Variants in FAM222A observed in about 807,000 individuals in gnomAD.
The protein encoded by FAM222A is family with sequence similarity 222 member A, also known as protein FAM222A.
A neutral mutation model predicts 25.8 loss-of-function variants in FAM222A; 7 were observed. That is an observed-to-expected ratio of 0.27 (90% confidence interval 0.15 to 0.51). The LOEUF (loss-of-function observed/expected upper bound fraction) is 0.51, where lower values mean the gene tolerates loss of function less well. FAM222A is among the 20% of genes least tolerant of loss of function. FAM222A has a pLI of 0.97. For synonymous variants in FAM222A, 294 were observed against 298.8 expected (o/e 0.98, Z 0.17); for missense variants, 573 against 640.5 (o/e 0.89, Z 1.14).
intron 1 of FAM222A, among the ~76,000 whole-genome samples, chr12:109,726,651 T>C (rs1388023585): frequency 6.6e-6 from 1 of 152,238 alleles, no homozygotes; most frequent in African/African-American, 2.4e-5. Flanking sequence ...GGCTCAGGCC[T>C]GGCTTGATGG....
intron 2 of FAM222A, among the ~76,000 whole-genome samples, chr12:109,753,839 A>T (rs1009049441): frequency 1.3e-5 from 2 of 152,196 alleles, no homozygotes; most frequent in African/African-American, 2.4e-5. Context: ...GAAACAAAGC[A>T]ATTTAAAATT....
intron 2 of FAM222A, among the ~76,000 whole-genome samples, chr12:109,755,817 T>A (rs531692276): frequency 6.6e-6 from 1 of 152,376 alleles, no homozygotes; most frequent in South Asian, 2.1e-4. Context: ...GATTTTCTAT[T>A]CCATTGACCT....
chr12:109,759,886 G>C (rs1565846450), intron 2 of FAM222A, among the ~76,000 whole-genome samples: 1 of 152,184 alleles, frequency 6.6e-6, no homozygotes, highest in Non-Finnish European at 1.5e-5. Context: ...AGGGTGGTGA[G>C]AAAAAACAGG....
chr12:109,763,153 C>G (rs1430374079), intron 2 of FAM222A, among the ~76,000 whole-genome samples: 1 of 152,156 alleles, frequency 6.6e-6, no homozygotes. Flanking sequence ...CTCATGAAGC[C>G]CCTGGCTTTG....
chr12:109,748,334 C>CTTTTTTTTTTTTTTTTTT (rs61492433), intron 2 of FAM222A, among the ~76,000 whole-genome samples: 1 of 81,634 alleles, frequency 1.2e-5, no homozygotes, highest in Non-Finnish European at 3.0e-5. Flanking sequence ...GGTTTTCTTT[C>CTTTTTTTTTTTTTTTTTT]TTTTTTTTTT....
intron 2 of FAM222A, among the ~76,000 whole-genome samples, chr12:109,763,469 G>T (rs1269001328): frequency 6.6e-6 from 1 of 152,216 alleles, no homozygotes; most frequent in Non-Finnish European, 1.5e-5. Context: ...ATTGGCCAGG[G>T]CTGCACTCTC....
intron 2 of FAM222A, among the ~76,000 whole-genome samples, chr12:109,755,577 C>T (rs1361004326): frequency 6.6e-6 from 1 of 152,172 alleles, no homozygotes; most frequent in East Asian, 1.9e-4. Flanking sequence ...ATCAGCCCGC[C>T]TCGGCCTCCC....
intron 2 of FAM222A, among the ~76,000 whole-genome samples, chr12:109,767,062 C>CTTTTT (rs757766627): frequency 8.3e-4 from 77 of 93,032 alleles, no homozygotes; most frequent in African/African-American, 1.4e-3. Flanking sequence ...TGCTTGGCTT[C>CTTTTT]TTTTTTTTTT....
chr12:109,741,762 C>T (rs773416727), intron 1 of FAM222A, among the ~76,000 whole-genome samples: 16 of 152,184 alleles, frequency 1.1e-4, no homozygotes, highest in Non-Finnish European at 1.9e-4. Context: ...TTAACCCAGC[C>T]GGGGTCACAC....
intron 2 of FAM222A, chr12:109,744,939 G>T (rs1281675570): frequency 7.2e-6 from 2 of 279,062 alleles, no homozygotes; most frequent in Non-Finnish European, 1.1e-5. Context: ...CCAGGTCACC[G>T]CGGTCCCCAC....
At chr12:109,717,887 T>C (rs920986516) in intron 1 of FAM222A, among the ~76,000 whole-genome samples, 4 of 152,204 alleles carry the variant, frequency 2.6e-5, no homozygotes, top group African/African-American at 9.6e-5. Flanking sequence ...GCTGGACTGC[T>C]GAACCCCCTT....
At chr12:109,718,513 C>T (rs552502388) in intron 1 of FAM222A, among the ~76,000 whole-genome samples, 70 of 152,154 alleles carry the variant, frequency 4.6e-4, no homozygotes, top group African/African-American at 1.6e-3. Flanking sequence ...GGGGTGAGAA[C>T]GAGGAGGCGC....
intron 1 of FAM222A, among the ~76,000 whole-genome samples, chr12:109,737,470 T>C (rs928990134): frequency 2.6e-5 from 4 of 151,950 alleles, no homozygotes; most frequent in Non-Finnish European, 5.9e-5. Flanking sequence ...GTGACAAGAT[T>C]TGCAGCATTT....
rs1391738175 is a variant in FAM222A, at chr12:109,747,434, T to C, written c.82+3206T>C. Among the ~76,000 whole-genome samples, 3 of 152,322 alleles carry C rather than the reference T, an allele frequency of 2.0e-5. No individual in the cohort carries two copies. The East Asian group carries it at 5.8e-4, about 29-fold the overall frequency. ...AGTATTTGGTAGAGGTTGTTGCTCC[T>C]TGTTCTCCCCCTCTACCCAAATTTC... On this transcript the variant is annotated intron_variant, in intron 2 of 2. Transcript: ENST00000538780.
rs1449046237 is a variant in FAM222A, at chr12:109,768,995, C to T, written c.1066C>T (p.Pro356Ser). The change falls in exon 3 of 3, where the codon CCC (proline) becomes TCC (serine). Residue 356 changes from proline to serine, a missense_variant. Around this residue, in one of 3 missense-constraint regions of FAM222A, gnomAD observed 412 missense variants for 407.0 expected, o/e 1.01. Transcript: ENST00000538780. ...CCCGTGGAACAGTGTGCTGGTGACA[C>T]CCACCAGCGACTGCTACAACCCAGC... ...AAPWNSVLVT[P>S]TSDCYNPAAA... 1.3e-6 allele frequency: 2 copies of T among 1,575,170 alleles called. No homozygotes were observed. The highest frequency in any genetic ancestry group is 2.7e-5 in the African/African-American group (2 of 74,180).
chr12:109,761,874 G>A (rs780267709), intron 2 of FAM222A, among the ~76,000 whole-genome samples: 5 of 152,072 alleles, frequency 3.3e-5, no homozygotes, highest in African/African-American at 7.2e-5. Context: ...GGAAACCCCC[G>A]GGTCCTGGCA....
chr12:109,742,559 G>C (rs1888273815), intron 1 of FAM222A, among the ~76,000 whole-genome samples: 1 of 151,598 alleles, frequency 6.6e-6, no homozygotes, highest in African/African-American at 2.4e-5. Flanking sequence ...GGGAGGGGGC[G>C]GTGAGAATCA....
At chr12:109,746,413 C>T (rs766029769) in intron 2 of FAM222A, among the ~76,000 whole-genome samples, 59 of 152,010 alleles carry the variant, frequency 3.9e-4, no homozygotes, top group Non-Finnish European at 6.8e-4. Context: ...CGCTTGAACC[C>T]AGGAGGCAGA....
At chr12:109,729,666 G>A (rs536529199) in intron 1 of FAM222A, among the ~76,000 whole-genome samples, 3 of 152,244 alleles carry the variant, frequency 2.0e-5, no homozygotes, top group South Asian at 4.1e-4. Flanking sequence ...ACATGCTGGC[G>A]CATGCCCCAG....
Sources: gnomAD v4.1 joint callset for allele counts (sites outside exome capture counted in the v4.1 genomes callset) on GRCh38, gnomAD v4.1.1 for gene constraint, gnomAD v4.1.1 regional missense constraint, MANE v1.5 for transcripts, NCBI Gene and HGNC (gene_info 2026-07-23, HGNC 2026-07-21) for gene names.